The following BBS9 variants were observed in gnomAD, a reference collection of about 807,000 sequenced individuals.
The protein encoded by BBS9 is Bardet-Biedl syndrome 9.
In BBS9, 89 loss-of-function variants were observed where a neutral mutation model predicts 117.7. That is an observed-to-expected ratio of 0.76 (90% CI 0.64 to 0.90). The LOEUF (loss-of-function observed/expected upper bound fraction) is 0.90. BBS9 is among the 40% of genes least tolerant of loss of function. The pLI is 0.00. For missense variants in BBS9, 982 were observed against 1,042.2 expected (o/e 0.94, Z 0.80); for synonymous variants, 379 against 370.9 (o/e 1.02, Z -0.25).
chr7:33,143,427 C>T (rs59311005), intron 1 of BBS9, among the ~76,000 whole-genome samples: 23,981 of 151,438 alleles, frequency 0.16, 2,072 homozygotes, highest in South Asian at 0.22. Context: ...ATTCTTAGGT[C>T]GAATATATTT....
At chr7:33,375,544 T>G (rs1345557855) in intron 17 of BBS9, among the ~76,000 whole-genome samples, 1 of 151,972 alleles carries the variant, frequency 6.6e-6, no homozygotes, top group African/African-American at 2.4e-5. Context: ...AAAAATGTTG[T>G]TGTGTTTATA....
chr7:33,280,911 G>GTTTATTTTTTTTTTTTT (rs1801729829), intron 9 of BBS9, among the ~76,000 whole-genome samples: 1 of 79,392 alleles, frequency 1.3e-5, no homozygotes, highest in African/African-American at 6.0e-5. Flanking sequence ...TGTCGTTTTT[G>GTTTATTTTTTTTTTTTT]TTTTTTTTTT....
At chr7:33,431,254 G>C (rs557269789) in intron 19 of BBS9, among the ~76,000 whole-genome samples, 1 of 151,560 alleles carries the variant, frequency 6.6e-6, no homozygotes, top group South Asian at 2.1e-4. Flanking sequence ...AGCTGTTCTT[G>C]TCCAATAAAG....
chr7:33,543,950 C>T (rs112166409), intron 21 of BBS9, among the ~76,000 whole-genome samples: 2,669 of 152,192 alleles, frequency 0.018, 33 homozygotes, highest in Middle Eastern at 0.048. Flanking sequence ...ACCTTGTCTT[C>T]GAGCTCTGAT....
chr7:33,440,147 A>G (rs529297768), intron 19 of BBS9, among the ~76,000 whole-genome samples: 1 of 152,332 alleles, frequency 6.6e-6, no homozygotes, highest in East Asian at 1.9e-4. Context: ...AGACTCATAA[A>G]AATTCTAAGC....
In BBS9 at chr7:33,503,452, T is replaced by G. The variant is rs77571710; in HGVS notation, c.2116-2011T>G. On this transcript the variant is annotated intron_variant, in intron 19 of 22. Transcript: ENST00000242067. Reference sequence around the variant, plus strand: ...GTTCAATTAATTGGAGGGATAGTTATTCACATAATAATCGCAATGTTAGTG... The same window carrying G: ...GTTCAATTAATTGGAGGGATAGTTAGTCACATAATAATCGCAATGTTAGTG... 9.3e-3 allele frequency among the ~76,000 whole-genome samples: 1,420 copies of G among 152,310 alleles called. 22 individuals carry two copies. The highest frequency in any genetic ancestry group is 0.032 in the African/African-American group (1,347 of 41,564).
chr7:33,586,979 C>T (rs528190175), intron 21 of BBS9, among the ~76,000 whole-genome samples: 19 of 152,156 alleles, frequency 1.2e-4, no homozygotes, highest in Admixed American at 6.6e-4. Context: ...TCCATTCATA[C>T]GCCAAGCTTC....
At chr7:33,612,229 G>A (rs1010642092) in intron 21 of BBS9, among the ~76,000 whole-genome samples, 3 of 152,030 alleles carry the variant, frequency 2.0e-5, no homozygotes, top group Admixed American at 6.6e-5. Context: ...AGTATGGTGT[G>A]TAATACTCAT....
At chr7:33,454,246 G>T (rs572615151) in intron 19 of BBS9, among the ~76,000 whole-genome samples, 1 of 152,180 alleles carries the variant, frequency 6.6e-6, no homozygotes, top group Non-Finnish European at 1.5e-5. Context: ...ATAAAGAAAT[G>T]TATGAGTTCA....
At chr7:33,499,994 GT>G (rs1845221177) in intron 19 of BBS9, among the ~76,000 whole-genome samples, 3 of 152,090 alleles carry the variant, frequency 2.0e-5, no homozygotes, top group African/African-American at 7.2e-5. Context: ...GAAAATGTCT[GT>G]TTTCTAAAAT....
At chr7:33,517,932 T>A (rs57610907) in intron 20 of BBS9, among the ~76,000 whole-genome samples, 1 of 152,244 alleles carries the variant, frequency 6.6e-6, no homozygotes, top group Non-Finnish European at 1.5e-5. Context: ...TATATGTGCA[T>A]GTGCTTAAGC....
intron 19 of BBS9, among the ~76,000 whole-genome samples, chr7:33,450,003 A>G (rs1037924137): frequency 2.6e-5 from 4 of 152,172 alleles, no homozygotes; most frequent in African/African-American, 7.2e-5. Flanking sequence ...CCCTACATAC[A>G]TTAAACAACA....
intron 19 of BBS9, among the ~76,000 whole-genome samples, chr7:33,479,110 T>C (rs534310857): frequency 6.6e-6 from 1 of 152,264 alleles, no homozygotes; most frequent in Non-Finnish European, 1.5e-5. Context: ...CAACTTTAAT[T>C]TTAGGTTCAG....
At chr7:33,515,962 G>A (rs1233287265) in intron 20 of BBS9, among the ~76,000 whole-genome samples, 1 of 152,162 alleles carries the variant, frequency 6.6e-6, no homozygotes, top group African/African-American at 2.4e-5. Context: ...TCAATGATAA[G>A]TCATGGTGTG....
chr7:33,604,397 C>A (rs975466233), intron 21 of BBS9, among the ~76,000 whole-genome samples: 1 of 152,110 alleles, frequency 6.6e-6, no homozygotes, highest in African/African-American at 2.4e-5. Flanking sequence ...GAATCAAATT[C>A]CAGAGAAATA....
chr7:33,437,952 T>A (rs943025749), intron 19 of BBS9, among the ~76,000 whole-genome samples: 4 of 152,208 alleles, frequency 2.6e-5, no homozygotes, highest in Non-Finnish European at 5.9e-5. Flanking sequence ...TCAACATTTT[T>A]GCTGGACATG....
rs986668443 is a variant in BBS9, at chr7:33,274,409, A to G, written c.1016+453A>G. Among the ~76,000 whole-genome samples, 8 of 152,222 alleles carry G rather than the reference A, an allele frequency of 5.3e-5. 1 individual carries two copies. The highest frequency in any genetic ancestry group is 1.9e-4 in the African/African-American group (8 of 41,460). ...ATTGTTAATGATCATGTGTTTACAC[A>G]GTTTAGATTTTAAGTGGGGCTACTT... On this transcript the variant is annotated intron_variant, in intron 9 of 22. Coordinates refer to ENST00000242067, the MANE Select transcript of BBS9 (RefSeq NM_198428.3).
At chr7:33,344,737 A>G in intron 12 of BBS9, 103 bp downstream of exon 12, 5 of 1,206,208 alleles carry the variant, frequency 4.1e-6, no homozygotes, top group Non-Finnish European at 6.2e-6. Context: ...AATGTAAAAT[A>G]AACACTTGGC....
chr7:33,154,520 C>A (rs1025619362), intron 3 of BBS9, among the ~76,000 whole-genome samples: 12 of 152,142 alleles, frequency 7.9e-5, no homozygotes, highest in Non-Finnish European at 1.8e-4. Context: ...GACTGGAGTG[C>A]AATGGCGTGA....
Sources: gnomAD v4.1 joint callset for allele counts (sites outside exome capture counted in the v4.1 genomes callset) on GRCh38, gnomAD v4.1.1 for gene constraint, MANE v1.5 for transcripts, NCBI Gene and HGNC (gene_info 2026-07-23, HGNC 2026-07-21) for gene names.